Variants in FAM13B observed in about 807,000 individuals in gnomAD.
FAM13B encodes family with sequence similarity 13 member B, also known as protein FAM13B.
FAM13B carries 60 observed loss-of-function variants against 117.3 expected under a neutral mutation model. That is an observed-to-expected ratio of 0.51 (90% CI 0.42 to 0.63). The LOEUF (loss-of-function observed/expected upper bound fraction) is 0.63. Among genes scored for constraint, FAM13B ranks in the 30% least tolerant of loss-of-function variants. The probability of loss-of-function intolerance (pLI) is 0.00; values close to 1 mark genes in which losing one functional copy is unlikely to be tolerated. For missense variants in FAM13B, 972 were observed against 1,091.9 expected, an observed-to-expected ratio of 0.89 and a Z score of 1.55; for synonymous variants, 332 against 356.1, an observed-to-expected ratio of 0.93 and a Z score of 0.76.
intron 17 of FAM13B, among the ~76,000 whole-genome samples, chr5:137,949,665 T>C (rs1463391056): frequency 1.3e-5 from 2 of 152,112 alleles, no homozygotes; most frequent in African/African-American, 4.8e-5. Flanking sequence ...CTGTACCTGG[T>C]GGCACACACC....
intron 23 of FAM13B, 138 bp from the exon 24 acceptor site, chr5:137,940,486 G>GGTA: frequency 1.6e-6 from 1 of 607,204 alleles, no homozygotes; most frequent in Non-Finnish European, 2.8e-6. Context: ...AAAAAAAAAG[G>GGTA]TTATTGAACT....
At chr5:137,974,620 A>T (rs999499759) in intron 10 of FAM13B, among the ~76,000 whole-genome samples, 5 of 146,338 alleles carry the variant, frequency 3.4e-5, no homozygotes, top group African/African-American at 9.7e-5. Context: ...AATAATAAAT[A>T]AAAAAAAGAA....
rs1581271659 is a variant in FAM13B, at chr5:138,021,206, C to T, written c.-202-9G>A. 8.1e-7 allele frequency: 1 copy of T among 1,231,396 alleles called. No homozygotes were observed. Among genetic ancestry groups the T allele is most frequent in the East Asian group, 3.2e-5 (1 of 31,688 alleles). The allele number at this position is 1,231,396 out of a possible 1,614,324, so 76.3% of individuals were successfully genotyped here. ...GTACTTCAGCAGTTAATCTACAAGA[C>T]AAAAACAATTATTTCAATTTCCCAC... On this transcript the variant is annotated splice_polypyrimidine_tract_variant and intron_variant, in intron 1 of 23. Transcript: ENST00000689681.
At chr5:138,045,857 A>G (rs1198891878) in intron 1 of FAM13B, among the ~76,000 whole-genome samples, 1 of 151,826 alleles carries the variant, frequency 6.6e-6, no homozygotes, top group African/African-American at 2.4e-5. Context: ...AGGCAGGAGA[A>G]TCACTTGAAC....
intron 17 of FAM13B, among the ~76,000 whole-genome samples, chr5:137,951,340 G>A (rs1434144778): frequency 6.6e-6 from 1 of 150,842 alleles, no homozygotes; most frequent in Non-Finnish European, 1.5e-5. Flanking sequence ...TGTCTACAAA[G>A]TATTTAGTAC....
In FAM13B at chr5:137,941,942, A is replaced by G; in HGVS notation, c.2690+2T>C. ...GACTCAATTTTGTGATGCTCAACAA[A>G]CCTTCCATTTTGTTGATAAAATGCT... is the stretch of plus-strand genomic sequence containing the variant. On this transcript the variant is annotated splice_donor_variant, in intron 23 of 23. Coordinates refer to ENST00000689681, the MANE Select transcript of FAM13B (RefSeq NM_001385994.1). LOFTEE classifies it high-confidence loss of function. The G allele has an allele frequency of 6.2e-7, 1 of 1,612,650 alleles. No homozygotes were observed. Among genetic ancestry groups the G allele is most frequent in the East Asian group, 2.2e-5 (1 of 44,864 alleles).
chr5:137,984,498 T>C (rs1460958758), intron 10 of FAM13B, among the ~76,000 whole-genome samples: 1 of 152,210 alleles, frequency 6.6e-6, no homozygotes, highest in Non-Finnish European at 1.5e-5. Context: ...AGAGATTTAC[T>C]CACTTCCCCC....
chr5:137,962,186 G>A (rs981452660), intron 11 of FAM13B, among the ~76,000 whole-genome samples: 2 of 152,136 alleles, frequency 1.3e-5, no homozygotes, highest in Non-Finnish European at 2.9e-5. Flanking sequence ...TTTTCCCTCT[G>A]AATGTTTTCC....
chr5:138,004,997 G>A (rs184319669), intron 7 of FAM13B, among the ~76,000 whole-genome samples: 1 of 152,290 alleles, frequency 6.6e-6, no homozygotes, highest in Non-Finnish European at 1.5e-5. Context: ...CAGCACTCTG[G>A]GAGGCCAAGG....
chr5:137,995,316 A>C (rs928379543), intron 7 of FAM13B, among the ~76,000 whole-genome samples: 9 of 152,236 alleles, frequency 5.9e-5, no homozygotes, highest in Admixed American at 5.9e-4. Flanking sequence ...AAACTTTTTA[A>C]TCTAGCTAGA....
Position 138,033,061 on chromosome 5 carries a change from G to C in FAM13B, c.-482C>G, listed in dbSNP as rs906668032. On this transcript the variant is annotated 5_prime_UTR_variant, in exon 1 of 24. Coordinates refer to ENST00000689681, the MANE Select transcript of FAM13B (RefSeq NM_001385994.1). ...TGAGGTGCAGAGCCTCCCTAACGGC[G>C]AGCGGGAGGAGAGCGGCTGGCGGGC... 2 of 986,252 alleles carry C rather than the reference G, an allele frequency of 2.0e-6. No individual in the cohort carries two copies. The highest frequency in any genetic ancestry group is 1.7e-5 in the African/African-American group (1 of 57,196). 61.1% of individuals were successfully genotyped at this position (986,252 alleles called of 1,614,324 possible).
intron 7 of FAM13B, among the ~76,000 whole-genome samples, chr5:138,001,354 T>C (rs1781219827): frequency 6.6e-6 from 1 of 152,328 alleles, no homozygotes; most frequent in Middle Eastern, 3.4e-3. Context: ...CTAGGCCCTA[T>C]GCATTCTAGG....
Position 137,939,760 on chromosome 5 carries a change from T to A in FAM13B, c.*465A>T. 1 of 754,848 alleles carries A rather than the reference T, an allele frequency of 1.3e-6. No homozygotes were observed. Among genetic ancestry groups the A allele is most frequent in the Non-Finnish European group, 1.7e-6 (1 of 586,038 alleles). 46.8% of individuals were successfully genotyped at this position (754,848 alleles called of 1,614,324 possible). On this transcript the variant is annotated 3_prime_UTR_variant, in exon 24 of 24. Transcript: ENST00000689681. ...GGAAAACAGAGAACACAGTTGCGTA[T>A]GTGCACTTTTATAGGCTTTTCTTTC...
chr5:138,010,954 T>C (rs1266777158), intron 6 of FAM13B, 54 bp downstream of exon 6: 1 of 1,145,512 alleles, frequency 8.7e-7, no homozygotes, highest in Non-Finnish European at 1.1e-6. Context: ...AGCATATTAT[T>C]CTTAAAAAAA....
chr5:137,954,041 C>CA, intron 15 of FAM13B, 125 bp downstream of exon 15: 1 of 388,206 alleles, frequency 2.6e-6, no homozygotes, highest in African/African-American at 2.5e-5. Context: ...CAATCTCTCT[C>CA]TTTTTTTTTT....
chr5:137,968,971 T>C lies in FAM13B; in HGVS notation c.1180-6502A>G, dbSNP rs185404715. On this transcript the variant is annotated intron_variant, in intron 10 of 23. Coordinates refer to ENST00000689681, the MANE Select transcript of FAM13B (RefSeq NM_001385994.1). ...CTTGGAGGGTCCTACACCCACAGAG[T>C]CTCGCTGATTGCTACCACAGCAGTC... is the stretch of plus-strand genomic sequence containing the variant. Among the ~76,000 whole-genome samples, 289 of 152,130 alleles carry C rather than the reference T, an allele frequency of 1.9e-3. 4 individuals are homozygous for C. Among genetic ancestry groups the C allele is most frequent in the Admixed American group, 0.017 (253 of 15,280 alleles).
chr5:137,946,174 T>A, intron 19 of FAM13B, 54 bp downstream of exon 19: 1 of 1,474,940 alleles, frequency 6.8e-7, no homozygotes, highest in South Asian at 1.2e-5. Flanking sequence ...CAAAATTGAT[T>A]CATGTTCTTT....
upstream of FAM13B, chr5:138,036,409 C>G: frequency 2.2e-6 from 1 of 456,686 alleles, no homozygotes; most frequent in South Asian, 1.5e-5. Flanking sequence ...AGTGCAGATT[C>G]AACATTCCTC....
At chr5:138,007,220 T>C (rs752985247) in intron 6 of FAM13B, 73 bp from the exon 7 acceptor site, 8 of 1,204,438 alleles carry the variant, frequency 6.6e-6, no homozygotes, top group Non-Finnish European at 8.9e-6. Context: ...TACTATTCTA[T>C]GAAAATTTTA....
Sources: allele counts gnomAD v4.1 joint callset (sites outside exome capture counted in the v4.1 genomes callset), GRCh38; gene constraint gnomAD v4.1.1; transcripts MANE v1.5; gene names NCBI Gene and HGNC (gene_info 2026-07-23, HGNC 2026-07-21).